RAPGEF5: variants seen among roughly 807,000 people sequenced by gnomAD.
RAPGEF5 encodes the protein M-Ras-regulated GEF.
In RAPGEF5, 65 loss-of-function variants were observed where a neutral mutation model predicts 125.2. The observed-to-expected ratio is 0.52, with a 90% CI of 0.43 to 0.64. RAPGEF5 has a LOEUF of 0.64. RAPGEF5 is among the 30% of genes least tolerant of loss of function. RAPGEF5 has a pLI of 0.00. For missense variants in RAPGEF5, 958 were observed against 1,048.1 expected (o/e 0.91, Z 1.19); for synonymous variants, 391 against 385.9 (o/e 1.01, Z -0.16).
chr7:22,150,031 T>A (rs1783570898), intron 18 of RAPGEF5, among the ~76,000 whole-genome samples: 1 of 151,372 alleles, frequency 6.6e-6, no homozygotes, highest in Non-Finnish European at 1.5e-5. Context: ...TTAACATTCA[T>A]TATAAACACA....
intron 11 of RAPGEF5, among the ~76,000 whole-genome samples, chr7:22,182,064 C>A (rs890760665): frequency 1.3e-5 from 2 of 152,182 alleles, no homozygotes; most frequent in Non-Finnish European, 1.5e-5. Context: ...TCCACTAATA[C>A]TCCTTCCTCA....
intron 1 of RAPGEF5, among the ~76,000 whole-genome samples, chr7:22,338,497 A>C (rs140528144): frequency 1.3e-5 from 2 of 152,292 alleles, no homozygotes; most frequent in Admixed American, 6.5e-5. Flanking sequence ...TACCTTCCCC[A>C]CTGGACTTTG....
At chr7:22,353,010 T>C (rs1002157251) in intron 1 of RAPGEF5, among the ~76,000 whole-genome samples, 1 of 152,214 alleles carries the variant, frequency 6.6e-6, no homozygotes, top group Non-Finnish European at 1.5e-5. Context: ...TATCCAGACA[T>C]TATGCGTCTC....
At chr7:22,162,334 A>G (rs532487873) in intron 13 of RAPGEF5, 63 bp downstream of exon 13, 7 of 1,464,770 alleles carry the variant, frequency 4.8e-6, no homozygotes, top group Non-Finnish European at 6.6e-6. Context: ...GATTTTTAAA[A>G]TGCATAACTA....
At chr7:22,269,784 C>T (rs1028093269) in intron 6 of RAPGEF5, among the ~76,000 whole-genome samples, 3 of 152,168 alleles carry the variant, frequency 2.0e-5, no homozygotes, top group Non-Finnish European at 2.9e-5. Context: ...TACTCCAGTG[C>T]CAGTTGAGCC....
intron 9 of RAPGEF5, among the ~76,000 whole-genome samples, chr7:22,199,531 G>GAAAAAAA (rs35024654): frequency 6.4e-5 from 4 of 62,848 alleles, no homozygotes; most frequent in Admixed American, 2.2e-4. Context: ...CCTTAAAATT[G>GAAAAAAA]AAAAAAAAAA....
chr7:22,231,725 A>G (rs1786063211), intron 7 of RAPGEF5, among the ~76,000 whole-genome samples: 1 of 152,178 alleles, frequency 6.6e-6, no homozygotes, highest in African/African-American at 2.4e-5. Flanking sequence ...TGACTGGATT[A>G]CTTTTCTCTT....
chr7:22,130,998 G>C, intron 24 of RAPGEF5, 39 bp downstream of exon 24: 2 of 1,534,896 alleles, frequency 1.3e-6, no homozygotes, highest in Non-Finnish European at 1.8e-6. Flanking sequence ...ATACATTTCT[G>C]TTACTGTAAA....
chr7:22,314,736 A>T, intron 3 of RAPGEF5: 1 of 562,648 alleles, frequency 1.8e-6, no homozygotes, highest in Non-Finnish European at 2.3e-6. Context: ...TTATCTGGCA[A>T]AACAAAAAGC....
chr7:22,253,102 T>A (rs1250426828), intron 7 of RAPGEF5, among the ~76,000 whole-genome samples: 1 of 151,812 alleles, frequency 6.6e-6, no homozygotes, highest in Non-Finnish European at 1.5e-5. Flanking sequence ...GAACAATGAG[T>A]TATTATAGCA....
chr7:22,241,566 A>G (rs887959130), intron 7 of RAPGEF5, among the ~76,000 whole-genome samples: 1 of 152,344 alleles, frequency 6.6e-6, no homozygotes, highest in East Asian at 1.9e-4. Context: ...TTGTTTGTGA[A>G]ATTACATCAA....
chr7:22,356,832 G>T lies in RAPGEF5; in HGVS notation c.229C>A (p.Arg77=). The T allele has an allele frequency of 1.7e-6, 2 of 1,163,790 alleles. No homozygotes were observed. Among genetic ancestry groups the T allele is most frequent in the Non-Finnish European group, 2.1e-6 (2 of 944,206 alleles). 72.1% of individuals were successfully genotyped at this position (1,163,790 alleles called of 1,614,324 possible). The part of the protein sequence containing the change: ...LRRKRSAAGG[R]TLSRRISNPY... ...TCGGACAGGGCCGGGCCACTCACCC[G>T]GCCCCCAGCGGCGCTCCGCTTCCTC... is the stretch of plus-strand genomic sequence containing the variant. The change falls in exon 1 of 26, where the codon CGG becomes AGG. Residue 77 remains arginine (R), a splice_region_variant and synonymous_variant. Transcript: ENST00000665637.
chr7:22,290,994 G>A (rs1426523760), intron 6 of RAPGEF5, among the ~76,000 whole-genome samples, 181 bp downstream of exon 6: 2 of 152,048 alleles, frequency 1.3e-5, no homozygotes, highest in African/African-American at 4.8e-5. Context: ...CATGAAGGGA[G>A]GCTCCATCCC....
intron 22 of RAPGEF5, 26 bp downstream of exon 22, chr7:22,136,907 A>T: frequency 1.3e-6 from 2 of 1,530,952 alleles, no homozygotes; most frequent in Non-Finnish European, 1.8e-6. Flanking sequence ...TTTGAAGAAT[A>T]AGTCCCCTTT....
chr7:22,314,078 T>C (rs1001364248), intron 3 of RAPGEF5, among the ~76,000 whole-genome samples: 2 of 152,220 alleles, frequency 1.3e-5, no homozygotes, highest in Non-Finnish European at 2.9e-5. Flanking sequence ...TCAAAACCTA[T>C]GTAAATGTTA....
At chr7:22,278,828 G>A (rs188530124) in intron 6 of RAPGEF5, among the ~76,000 whole-genome samples, 3 of 150,938 alleles carry the variant, frequency 2.0e-5, no homozygotes, top group Non-Finnish European at 1.5e-5. Context: ...TATGTACCTG[G>A]GCACTGTTCC....
chr7:22,341,449 AC>A (rs1230215054), intron 1 of RAPGEF5, among the ~76,000 whole-genome samples: 2 of 152,056 alleles, frequency 1.3e-5, no homozygotes, highest in Admixed American at 1.3e-4. Flanking sequence ...ACATTTCAAA[AC>A]CAATCTTTCC....
intron 6 of RAPGEF5, among the ~76,000 whole-genome samples, chr7:22,282,323 C>A (rs951197678): frequency 3.3e-5 from 5 of 152,184 alleles, no homozygotes; most frequent in Non-Finnish European, 7.3e-5. Flanking sequence ...GAATAAACTT[C>A]TAAACTGCTA....
chr7:22,173,864 T>C (rs1202993229), intron 11 of RAPGEF5, among the ~76,000 whole-genome samples: 2 of 152,064 alleles, frequency 1.3e-5, no homozygotes, highest in Non-Finnish European at 2.9e-5. Context: ...AATCAGCTGC[T>C]CTCAGTGTCT....
Sources: gnomAD v4.1 joint callset for allele counts (sites outside exome capture counted in the v4.1 genomes callset) on GRCh38, gnomAD v4.1.1 for gene constraint, MANE v1.5 for transcripts, NCBI Gene and HGNC (gene_info 2026-07-23, HGNC 2026-07-21) for gene names.